The following ANKIB1 variants were observed in gnomAD, a reference collection of about 807,000 sequenced individuals.
The protein encoded by ANKIB1 is ankyrin repeat and IBR domain containing 1.
Under a neutral mutation model 122.1 loss-of-function variants are expected in ANKIB1, and 43 were observed. The observed-to-expected ratio is 0.35, with a 90% CI of 0.28 to 0.45. The LOEUF is 0.45. Among genes scored for constraint, ANKIB1 ranks in the 20% least tolerant of loss-of-function variants. The pLI, the probability that ANKIB1 is intolerant of heterozygous loss-of-function variation, is 1.00. For missense variants in ANKIB1, 992 were observed against 1,329.5 expected (o/e 0.75, Z 3.95); for synonymous variants, 390 against 442.0 (o/e 0.88, Z 1.48).
intron 1 of ANKIB1, among the ~76,000 whole-genome samples, chr7:92,282,761 A>G (rs1390538711): frequency 5.3e-5 from 8 of 152,220 alleles, no homozygotes; most frequent in African/African-American, 1.9e-4. Context: ...GAGTAGTTGA[A>G]AAGTCAAATG....
At chr7:92,249,778 G>A (rs1413691328) in intron 1 of ANKIB1, among the ~76,000 whole-genome samples, 2 of 151,278 alleles carry the variant, frequency 1.3e-5, no homozygotes, top group African/African-American at 2.4e-5. Context: ...ATTTGTGCCA[G>A]TCACCATGCT....
At chr7:92,254,318 C>T (rs1389171098) in intron 1 of ANKIB1, among the ~76,000 whole-genome samples, 1 of 152,116 alleles carries the variant, frequency 6.6e-6, no homozygotes, top group Non-Finnish European at 1.5e-5. Flanking sequence ...TCATTTTGGA[C>T]ATATGGATGG....
chr7:92,263,351 C>T (rs1450009303), intron 1 of ANKIB1, among the ~76,000 whole-genome samples: 1 of 152,150 alleles, frequency 6.6e-6, no homozygotes, highest in African/African-American at 2.4e-5. Context: ...GTTTTACAGT[C>T]AGTTTTTGAA....
intron 17 of ANKIB1, among the ~76,000 whole-genome samples, chr7:92,393,080 G>T (rs1051482814): frequency 6.6e-6 from 1 of 151,982 alleles, no homozygotes; most frequent in East Asian, 1.9e-4. Context: ...ATTTTTGGAA[G>T]GGTACAGAAC....
At chr7:92,350,458 A>G (rs185273665) in intron 7 of ANKIB1, among the ~76,000 whole-genome samples, 107 of 152,340 alleles carry the variant, frequency 7.0e-4, no homozygotes, top group Admixed American at 1.8e-3. Flanking sequence ...GTATGCATAT[A>G]TATTGATATA....
chr7:92,397,705 C>T lies in ANKIB1; in HGVS notation c.2396-18C>T. 1 of 1,608,366 alleles carries T rather than the reference C, an allele frequency of 6.2e-7. No individual in the cohort carries two copies. The highest frequency in any genetic ancestry group is 2.2e-5 in the East Asian group (1 of 44,550). ...ATTTGTCACTAAATTGTCTTTGGTA[C>T]CAATTGCTTTGAAACAGATATTCCA... On this transcript the variant is annotated intron_variant, in intron 18 of 19. Transcript: ENST00000265742.
At chr7:92,381,134 G>T (rs1166413972) in intron 11 of ANKIB1, among the ~76,000 whole-genome samples, 1 of 152,006 alleles carries the variant, frequency 6.6e-6, no homozygotes. Context: ...TGGAAGAAAA[G>T]GTATCAGTGA....
chr7:92,384,011 T>C (rs149564751), intron 11 of ANKIB1, among the ~76,000 whole-genome samples: 2 of 152,346 alleles, frequency 1.3e-5, no homozygotes, highest in African/African-American at 4.8e-5. Flanking sequence ...GCCCAAAATC[T>C]GCTTAAGCTG....
chr7:92,327,655 A>G (rs866761252), intron 4 of ANKIB1, 128 bp from the exon 5 acceptor site: 2 of 455,134 alleles, frequency 4.4e-6, no homozygotes, highest in Non-Finnish European at 7.6e-6. Context: ...TTTTCAATCT[A>G]CAGTTGATCC....
chr7:92,262,215 T>C (rs749525464), intron 1 of ANKIB1, among the ~76,000 whole-genome samples: 1 of 152,218 alleles, frequency 6.6e-6, no homozygotes, highest in Admixed American at 6.5e-5. Context: ...GCTATGGCAA[T>C]AGAATGTGCT....
intron 9 of ANKIB1, among the ~76,000 whole-genome samples, chr7:92,352,909 A>G (rs1208681382): frequency 6.6e-6 from 1 of 152,226 alleles, no homozygotes; most frequent in East Asian, 1.9e-4. Flanking sequence ...CAGATAAACA[A>G]ACTCAGGCAC....
At chr7:92,338,936 ATATATATAT>A (rs1803366077) in intron 5 of ANKIB1, among the ~76,000 whole-genome samples, 10 of 22,474 alleles carry the variant, frequency 4.4e-4, no homozygotes, top group South Asian at 1.6e-3. Flanking sequence ...AAAAAAAAAT[ATATATATAT>A]ATATATATAT....
At chr7:92,366,639 A>C (rs923453170) in intron 10 of ANKIB1, among the ~76,000 whole-genome samples, 1 of 152,166 alleles carries the variant, frequency 6.6e-6, no homozygotes, top group Non-Finnish European at 1.5e-5. Flanking sequence ...TTTCCAAATC[A>C]AAACCCCCTT....
At position 92,397,789 on chromosome 7, in the gene ANKIB1, G is replaced by T; in HGVS notation, c.2462G>T (p.Ser821Ile). 1 of 1,609,000 alleles carries T rather than the reference G, an allele frequency of 6.2e-7. No individual in the cohort carries two copies. Among genetic ancestry groups the T allele is most frequent in the South Asian group, 1.1e-5 (1 of 89,990 alleles). Residue 821 changes from serine to isoleucine, a missense_variant, in exon 19 of 20, where the codon AGT becomes ATT. This residue lies in a region of ANKIB1 where 384 missense variants were observed against 412.0 expected (regional missense o/e 0.93). Transcript: ENST00000265742. ...TCCGTGGTAAGTTCTGCATCTATGA[G>T]TGTGCTGCACAGCTCTTCCCTGCGT... ...GTSVVSSASM[S>I]VLHSSSLRDY...
chr7:92,281,324 C>T (rs540644226), intron 1 of ANKIB1, among the ~76,000 whole-genome samples: 3 of 152,272 alleles, frequency 2.0e-5, no homozygotes, highest in African/African-American at 7.2e-5. Flanking sequence ...TTAGCATATA[C>T]TGCATTATTT....
rs1329911964 is a variant in ANKIB1, at chr7:92,338,954, ATATATATATATATATATT to A, written c.788-4064_788-4047del. ...AAAAAATATATATATATATATATAT[ATATATATATATATATATT>A]TATATGAATCTTCCTTTTTTCTTTA... On this transcript the variant is annotated intron_variant, in intron 5 of 19. Transcript: ENST00000265742. 2.1e-3 allele frequency among the ~76,000 whole-genome samples: 233 copies of A among 108,436 alleles called. 5 individuals carry two copies. The highest frequency in any genetic ancestry group is 8.1e-3 in the African/African-American group (206 of 25,336). The allele number at this position is 108,436 out of a possible 152,430, so 71.1% of individuals were successfully genotyped here. A position where few individuals can be genotyped will look rare whatever the true frequency, so the allele number is the denominator to read the frequency against.
intron 2 of ANKIB1, among the ~76,000 whole-genome samples, chr7:92,300,574 G>A (rs900017333): frequency 6.6e-6 from 1 of 151,848 alleles, no homozygotes; most frequent in African/African-American, 2.4e-5. Flanking sequence ...TTTAGGTATA[G>A]TTGACAAATA....
chr7:92,266,268 G>A (rs562351732), intron 1 of ANKIB1, among the ~76,000 whole-genome samples: 8 of 152,242 alleles, frequency 5.3e-5, no homozygotes, highest in Non-Finnish European at 8.8e-5. Flanking sequence ...TATGATCAGC[G>A]TCCAGTTAAG....
At chr7:92,383,013 A>G (rs1012826117) in intron 11 of ANKIB1, among the ~76,000 whole-genome samples, 5 of 152,180 alleles carry the variant, frequency 3.3e-5, no homozygotes, top group African/African-American at 1.2e-4. Context: ...TAAAGAAGAA[A>G]AGAGAGAAGA....
Sources: gnomAD v4.1 joint callset for allele counts (sites outside exome capture counted in the v4.1 genomes callset) on GRCh38, gnomAD v4.1.1 for gene constraint, gnomAD v4.1.1 regional missense constraint, MANE v1.5 for transcripts, NCBI Gene and HGNC (gene_info 2026-07-23, HGNC 2026-07-21) for gene names.